The following CRISPLD2 variants were observed in gnomAD, a reference collection of about 807,000 sequenced individuals.
CRISPLD2 encodes cysteine-rich secretory protein LCCL domain-containing 2.
In CRISPLD2, 47 loss-of-function variants were observed where a neutral mutation model predicts 71.1. That is an observed-to-expected ratio of 0.66 (90% CI 0.52 to 0.84). The LOEUF is 0.84. Ranked by LOEUF, CRISPLD2 falls within the 40% of genes least tolerant of loss-of-function variation. The pLI is 0.00. For missense variants in CRISPLD2, 830 were observed against 651.1 expected (o/e 1.27, Z -2.99); for synonymous variants, 317 against 250.1 (o/e 1.27, Z -2.52).
chr16:84,873,215 G>A (rs960177371), intron 10 of CRISPLD2, 93 bp downstream of exon 10: 3 of 1,446,694 alleles, frequency 2.1e-6, no homozygotes, highest in African/African-American at 1.4e-5. Flanking sequence ...GGCCGGGCGT[G>A]GTGGCTCACA....
intron 10 of CRISPLD2, chr16:84,873,528 A>G (rs867223574): frequency 5.5e-6 from 1 of 183,354 alleles, no homozygotes; most frequent in Non-Finnish European, 1.1e-5. Context: ...CAAAAAAAAA[A>G]CCCACAGCTC....
intron 2 of CRISPLD2, among the ~76,000 whole-genome samples, chr16:84,842,821 C>A (rs545203825): frequency 6.6e-6 from 1 of 152,276 alleles, no homozygotes; most frequent in Admixed American, 6.5e-5. Context: ...GGTGGCTTGG[C>A]CTTGGTCCTC....
At chr16:84,855,078 C>A (rs575516257) in intron 6 of CRISPLD2, among the ~76,000 whole-genome samples, 1 of 152,088 alleles carries the variant, frequency 6.6e-6, no homozygotes, top group African/African-American at 2.4e-5. Context: ...TCTCCTGTGC[C>A]GGGCTCTGCA....
intron 14 of CRISPLD2, among the ~76,000 whole-genome samples, chr16:84,903,536 G>C (rs1276888973): frequency 6.7e-6 from 1 of 149,582 alleles, no homozygotes; most frequent in East Asian, 2.0e-4. Context: ...CGGTTGCAAT[G>C]AGCCGAGATC....
intron 13 of CRISPLD2, among the ~76,000 whole-genome samples, chr16:84,883,691 G>T (rs2071587561): frequency 6.6e-6 from 1 of 152,212 alleles, no homozygotes; most frequent in African/African-American, 2.4e-5. Context: ...GGAACTGCAT[G>T]TTGAGGACCA....
At position 84,881,006 on chromosome 16, in the gene CRISPLD2, A is replaced by C. The variant is rs561448782; in HGVS notation, c.1305+422A>C. 7.2e-5 allele frequency among the ~76,000 whole-genome samples: 11 copies of C among 152,022 alleles called. No individual in the cohort carries two copies. In the East Asian group the frequency reaches 2.1e-3, roughly 29 times the overall value. ...AGGTGTGAGTCCCCACACCCGGCCA[A>C]CCTCTTAGCTAAGTTTAGACCACTC... On this transcript the variant is annotated intron_variant, in intron 13 of 14. Transcript: ENST00000262424.
chr16:84,903,887 G>T (rs147059901), intron 14 of CRISPLD2, among the ~76,000 whole-genome samples: 3 of 152,346 alleles, frequency 2.0e-5, no homozygotes, highest in African/African-American at 7.2e-5. Context: ...CTGAGCCTGG[G>T]ACCGCTCCTG....
chr16:84,899,733 C>T (rs970987778), intron 14 of CRISPLD2, among the ~76,000 whole-genome samples: 1 of 152,152 alleles, frequency 6.6e-6, no homozygotes, highest in Non-Finnish European at 1.5e-5. Context: ...GGCAAGATAC[C>T]CAGGGCCCTT....
At chr16:84,852,607 A>G (rs1461406413) in intron 5 of CRISPLD2, among the ~76,000 whole-genome samples, 1 of 152,054 alleles carries the variant, frequency 6.6e-6, no homozygotes, top group African/African-American at 2.4e-5. Context: ...TGGGCTATGC[A>G]GGACACTGTC....
intron 1 of CRISPLD2, among the ~76,000 whole-genome samples, chr16:84,821,154 C>T (rs1258510443): frequency 6.6e-6 from 1 of 152,174 alleles, no homozygotes; most frequent in African/African-American, 2.4e-5. Context: ...ACCTCTTGCC[C>T]TGGTAGAATG....
chr16:84,888,408 C>G (rs2071631675), intron 13 of CRISPLD2, among the ~76,000 whole-genome samples: 1 of 152,212 alleles, frequency 6.6e-6, no homozygotes, highest in African/African-American at 2.4e-5. Context: ...TTGTGGTACA[C>G]AACTGTAGTC....
chr16:84,849,581 C>T lies in CRISPLD2; in HGVS notation c.492+64C>T. 2.0e-6 allele frequency: 3 copies of T among 1,488,352 alleles called. No individual in the cohort carries two copies. In the South Asian group the frequency reaches 3.5e-5, roughly 17 times the overall value. The allele number at this position is 1,488,352 out of a possible 1,614,324, so 92.2% of individuals were successfully genotyped here. On this transcript the variant is annotated intron_variant, in intron 4 of 14. Transcript: ENST00000262424. ...CAATCCCAGTCATTCACCCCCTGCC[C>T]CTGGGGGATTGTCAAATCTGTAAAG...
intron 6 of CRISPLD2, among the ~76,000 whole-genome samples, chr16:84,857,017 T>C (rs574378156): frequency 1.3e-5 from 2 of 152,318 alleles, no homozygotes; most frequent in Admixed American, 6.5e-5. Context: ...CTCTGCACTT[T>C]CTGTGATGGA....
intron 14 of CRISPLD2, among the ~76,000 whole-genome samples, chr16:84,905,688 G>A (rs188461651): frequency 5.7e-5 from 8 of 140,352 alleles, no homozygotes; most frequent in East Asian, 2.1e-4. Flanking sequence ...GTGAGCCACC[G>A]TGCCTGACCA....
intron 2 of CRISPLD2, among the ~76,000 whole-genome samples, chr16:84,843,083 A>T (rs567644968): frequency 8.3e-4 from 126 of 152,222 alleles, no homozygotes; most frequent in African/African-American, 2.9e-3. Context: ...CAGGCCTTTC[A>T]TGTTTTCCTG....
chr16:84,859,198 G>A (rs778730932), intron 6 of CRISPLD2, among the ~76,000 whole-genome samples: 2 of 152,194 alleles, frequency 1.3e-5, no homozygotes, highest in African/African-American at 2.4e-5. Context: ...TGCTAAGTAT[G>A]TCTATGCCAA....
At chr16:84,887,358 T>C (rs2071622330) in intron 13 of CRISPLD2, among the ~76,000 whole-genome samples, 1 of 152,140 alleles carries the variant, frequency 6.6e-6, no homozygotes, top group African/African-American at 2.4e-5. Context: ...ACAAAGTGCC[T>C]GGGGGCTCAG....
chr16:84,828,728 C>T (rs2143143171), intron 1 of CRISPLD2, among the ~76,000 whole-genome samples: 1 of 152,218 alleles, frequency 6.6e-6, no homozygotes, highest in South Asian at 2.1e-4. Context: ...GCATCGAATG[C>T]ACCTGCTTTT....
intron 14 of CRISPLD2, among the ~76,000 whole-genome samples, chr16:84,901,987 A>G (rs2071758793): frequency 6.7e-6 from 1 of 150,294 alleles, no homozygotes; most frequent in Non-Finnish European, 1.5e-5. Flanking sequence ...TTTGGTAGCG[A>G]TGGGGTTTCA....
Sources: allele counts gnomAD v4.1 joint callset (sites outside exome capture counted in the v4.1 genomes callset), GRCh38; gene constraint gnomAD v4.1.1; transcripts MANE v1.5; gene names NCBI Gene and HGNC (gene_info 2026-07-23, HGNC 2026-07-21).